The following TLE4 variants were observed in gnomAD, a reference collection of about 807,000 sequenced individuals.
TLE4 encodes the protein transducin-like enhancer protein 4.
A neutral mutation model predicts 92.8 loss-of-function variants in TLE4; 8 were observed. The ratio of observed to expected loss-of-function variants is 0.09; its 90% confidence interval spans 0.05 to 0.16. TLE4 has a LOEUF of 0.16. Ranked by LOEUF, TLE4 falls within the 10% of genes least tolerant of loss-of-function variation. The pLI is 1.00. For missense variants in TLE4, 675 were observed against 997.6 expected (o/e 0.68, Z 4.36); for synonymous variants, 371 against 374.1 (o/e 0.99, Z 0.10).
chr9:79,658,165 T>G (rs2060023206), intron 8 of TLE4, among the ~76,000 whole-genome samples: 1 of 152,200 alleles, frequency 6.6e-6, no homozygotes, highest in Admixed American at 6.5e-5. Context: ...ACTTGTGCAG[T>G]GCCAAATTGA....
At chr9:79,609,445 G>A (rs1588030426) in intron 4 of TLE4, among the ~76,000 whole-genome samples, 1 of 152,052 alleles carries the variant, frequency 6.6e-6, no homozygotes, top group Non-Finnish European at 1.5e-5. Flanking sequence ...GGAGAATGGT[G>A]TAAAGGTGGG....
At chr9:79,663,650 A>G (rs1481685233) in intron 8 of TLE4, 2 of 152,140 alleles carry the variant, frequency 1.3e-5, no homozygotes, top group Non-Finnish European at 2.9e-5. Flanking sequence ...TAGCTGCACT[A>G]ATATAGTAGT....
intron 5 of TLE4, among the ~76,000 whole-genome samples, chr9:79,619,785 G>A (rs757629158): frequency 6.6e-6 from 1 of 152,202 alleles, no homozygotes; most frequent in Non-Finnish European, 1.5e-5. Context: ...ATGGATTGGG[G>A]CTTCTGGGGA....
chr9:79,672,899 G>C (rs1430696142), intron 8 of TLE4, among the ~76,000 whole-genome samples: 2 of 152,148 alleles, frequency 1.3e-5, no homozygotes, highest in Non-Finnish European at 2.9e-5. Context: ...GCGACAATTA[G>C]AGTTATGTTA....
chr9:79,677,539 G>A (rs1054486134), intron 8 of TLE4, among the ~76,000 whole-genome samples: 5 of 151,474 alleles, frequency 3.3e-5, no homozygotes, highest in African/African-American at 1.2e-4. Flanking sequence ...AGATGCCGTG[G>A]TAGAAACTTT....
Position 79,612,683 on chromosome 9 carries a change from A to G in TLE4, c.280A>G (p.Ile94Val), listed in dbSNP as rs1193004309. 3 of 1,613,074 alleles carry G rather than the reference A, an allele frequency of 1.9e-6. No homozygotes were observed. The highest frequency in any genetic ancestry group is 3.3e-5 in the Admixed American group (2 of 59,902). Reference sequence around the variant, plus strand: ...AGAGATTGTCAAGAGGCTGAATGCTATCTGTGCACAAGTCATTCCTTTCCT... The same window carrying G: ...AGAGATTGTCAAGAGGCTGAATGCTGTCTGTGCACAAGTCATTCCTTTCCT... ...QAEIVKRLNAICAQVIPFLSQ... is the reference protein window; with the variant it reads ...QAEIVKRLNAVCAQVIPFLSQ... The change falls in exon 5 of 20, where the codon ATC becomes GTC. Residue 94 changes from isoleucine to valine, a missense_variant. Physicochemically the swap from Ile to Val is conservative, Grantham distance 29. This residue lies in a region of TLE4 where 68 missense variants were observed against 141.2 expected (regional missense o/e 0.48). Coordinates refer to ENST00000376552, the MANE Select transcript of TLE4 (RefSeq NM_007005.6).
At chr9:79,608,851 T>A (rs976052351) in intron 4 of TLE4, among the ~76,000 whole-genome samples, 1 of 152,088 alleles carries the variant, frequency 6.6e-6, no homozygotes, top group African/African-American at 2.4e-5. Flanking sequence ...CACCCAAGTT[T>A]ATTATGTTTT....
At chr9:79,649,872 G>T (rs1180045642) in intron 6 of TLE4, 2 of 1,359,062 alleles carry the variant, frequency 1.5e-6, no homozygotes, top group South Asian at 2.3e-5. Context: ...TTGGGCTTTG[G>T]CTGAGGGCTT....
chr9:79,725,908 G>A lies in TLE4; in HGVS notation c.*764G>A, dbSNP rs2076339087. 1 of 152,598 alleles carries A rather than the reference G, an allele frequency of 6.6e-6. No individual in the cohort carries two copies. Among genetic ancestry groups the A allele is most frequent in the Non-Finnish European group, 1.5e-5 (1 of 68,030 alleles). 9.5% of individuals were successfully genotyped at this position (152,598 alleles called of 1,614,324 possible). On this transcript the variant is annotated 3_prime_UTR_variant, in exon 20 of 20. Transcript: ENST00000376552. ...CCCTTTTTTTGTTGTATTATAGGCA[G>A]ATGAACAAATTAAATTTGGCCTCAA... is the stretch of plus-strand genomic sequence containing the variant.
chr9:79,624,541 ATTGC>A (rs2051974069), intron 5 of TLE4, among the ~76,000 whole-genome samples: 1 of 152,222 alleles, frequency 6.6e-6, no homozygotes, highest in East Asian at 1.9e-4. Context: ...GCCCACAGCC[ATTGC>A]CATCAAAAAG....
At chr9:79,583,777 A>C (rs899451834) in intron 4 of TLE4, among the ~76,000 whole-genome samples, 1 of 152,200 alleles carries the variant, frequency 6.6e-6, no homozygotes, top group Non-Finnish European at 1.5e-5. Context: ...AGTAGAAATT[A>C]TAAGCACTAG....
rs1588340761 is a variant in TLE4 at position 79,694,456 on chromosome 9, A to G, written c.610-10327A>G. On this transcript the variant is annotated intron_variant, in intron 8 of 19. Transcript: ENST00000376552. ...CTTCCAGTGTTTTTTGTTTCCTCAA[A>G]GTCTCCTGCATCTTAGATCTTGTTG... 3.3e-5 allele frequency among the ~76,000 whole-genome samples: 5 copies of G among 152,142 alleles called. No homozygotes were observed. In the South Asian group the frequency reaches 1.0e-3, roughly 31 times the overall value.
chr9:79,633,895 G>A (rs560737607), intron 6 of TLE4, among the ~76,000 whole-genome samples: 2 of 152,254 alleles, frequency 1.3e-5, no homozygotes, highest in East Asian at 1.9e-4. Flanking sequence ...CAACTAAAGG[G>A]TTATTGACAG....
intron 19 of TLE4, among the ~76,000 whole-genome samples, 188 bp from the exon 20 acceptor site, chr9:79,724,849 T>TTAAAA (rs1554811338): frequency 7.7e-5 from 2 of 25,990 alleles, no homozygotes; most frequent in Non-Finnish European, 1.3e-4. Flanking sequence ...CCTGTCTTAT[T>TTAAAA]AAAAAAAAAA....
At chr9:79,720,604 T>G (rs1217725904) in intron 16 of TLE4, among the ~76,000 whole-genome samples, 1 of 152,102 alleles carries the variant, frequency 6.6e-6, no homozygotes, top group Non-Finnish European at 1.5e-5. Flanking sequence ...TAAAATGAGG[T>G]CAATTTGACA....
At chr9:79,617,419 C>T (rs1198459331) in intron 5 of TLE4, among the ~76,000 whole-genome samples, 2 of 152,152 alleles carry the variant, frequency 1.3e-5, no homozygotes, top group Non-Finnish European at 2.9e-5. Context: ...CAGTGATCCA[C>T]AAGGTGTTCC....
chr9:79,627,309 GA>G (rs1461511361), intron 5 of TLE4, 64 bp from the exon 6 acceptor site: 4 of 1,546,636 alleles, frequency 2.6e-6, no homozygotes, highest in Admixed American at 1.7e-5. Context: ...GACATGTTAG[GA>G]AAAGCTGTTC....
chr9:79,628,831 A>G (rs1325872249), intron 6 of TLE4, among the ~76,000 whole-genome samples: 1 of 152,024 alleles, frequency 6.6e-6, no homozygotes, highest in Non-Finnish European at 1.5e-5. Flanking sequence ...ACAGCAGTAT[A>G]TTAAATTTTT....
chr9:79,668,994 C>T (rs931712286), intron 8 of TLE4, among the ~76,000 whole-genome samples: 2 of 152,132 alleles, frequency 1.3e-5, no homozygotes, highest in Non-Finnish European at 2.9e-5. Context: ...CGGAGAAGCC[C>T]GCCATCCTTC....
Sources: gnomAD v4.1 joint callset for allele counts (sites outside exome capture counted in the v4.1 genomes callset) on GRCh38, gnomAD v4.1.1 for gene constraint, gnomAD v4.1.1 regional missense constraint, MANE v1.5 for transcripts, NCBI Gene and HGNC (gene_info 2026-07-23, HGNC 2026-07-21) for gene names.